SHISAL1: variants seen among roughly 807,000 people sequenced by gnomAD.
SHISAL1 encodes protein shisa-like-1.
A neutral mutation model predicts 22.6 loss-of-function variants in SHISAL1; 9 were observed. That is an observed-to-expected ratio of 0.40 (90% CI 0.24 to 0.70). SHISAL1 has a LOEUF of 0.70. Among genes scored for constraint, SHISAL1 ranks in the 30% least tolerant of loss-of-function variants. The pLI, the probability that SHISAL1 is intolerant of heterozygous loss-of-function variation, is 0.39. For synonymous variants in SHISAL1, 119 were observed against 115.4 expected (o/e 1.03, Z -0.20); for missense variants, 246 against 270.6 (o/e 0.91, Z 0.64).
At chr22:44,255,779 C>A (rs1444477726) in intron 4 of SHISAL1, among the ~76,000 whole-genome samples, 1 of 152,234 alleles carries the variant, frequency 6.6e-6, no homozygotes, top group East Asian at 1.9e-4. Context: ...CCCACCCCAT[C>A]ACCTCCCTGT....
the SHISAL1 span, among the ~76,000 whole-genome samples, chr22:44,325,862 C>G: frequency 6.6e-6 from 1 of 151,864 alleles, no homozygotes; most frequent in Non-Finnish European, 1.5e-5. Context: ...CGAAATGCCC[C>G]TCTGCCTTCT....
chr22:44,302,522 C>G (rs149639395), intron 1 of SHISAL1, among the ~76,000 whole-genome samples: 1 of 152,210 alleles, frequency 6.6e-6, no homozygotes, highest in Non-Finnish European at 1.5e-5. Flanking sequence ...TAAGGAGGGC[C>G]TCTCTGAGAA....
intron 3 of SHISAL1, among the ~76,000 whole-genome samples, chr22:44,291,981 C>T (rs9614424): frequency 0.044 from 6,706 of 152,296 alleles, 235 homozygotes; most frequent in Non-Finnish European, 0.07. Flanking sequence ...CTATGGCCCA[C>T]GTGGCTGGAA....
At chr22:44,282,382 G>T (rs2055282631) in intron 4 of SHISAL1, among the ~76,000 whole-genome samples, 1 of 152,232 alleles carries the variant, frequency 6.6e-6, no homozygotes. Context: ...TCACCTGACT[G>T]CCCTGTCCTG....
At chr22:44,302,436 C>T (rs1020704021) in intron 1 of SHISAL1, among the ~76,000 whole-genome samples, 10 of 150,912 alleles carry the variant, frequency 6.6e-5, no homozygotes, top group South Asian at 2.1e-4. Flanking sequence ...TTTAATGTTA[C>T]GAGGGAAAAT....
chr22:44,296,346 G>C (rs2055385690), intron 3 of SHISAL1, among the ~76,000 whole-genome samples: 2 of 152,182 alleles, frequency 1.3e-5, no homozygotes, highest in Non-Finnish European at 2.9e-5. Flanking sequence ...TTTTAGTAGA[G>C]ATGGGGTTTC....
chr22:44,257,907 C>T (rs777579147), intron 4 of SHISAL1, among the ~76,000 whole-genome samples: 13 of 152,202 alleles, frequency 8.5e-5, no homozygotes, highest in East Asian at 5.8e-4. Flanking sequence ...TTTGGGAGGC[C>T]GAGGTGGGCG....
chr22:44,289,684 C>A (rs1183062721), intron 3 of SHISAL1, among the ~76,000 whole-genome samples: 1 of 152,216 alleles, frequency 6.6e-6, no homozygotes, highest in African/African-American at 2.4e-5. Context: ...GACGCCCAGG[C>A]CATGGGCACT....
At chr22:44,328,386 C>T in the SHISAL1 span, among the ~76,000 whole-genome samples, 2 of 152,180 alleles carry the variant, frequency 1.3e-5, no homozygotes, top group Non-Finnish European at 2.9e-5. Context: ...AAGTGGGAAG[C>T]TGGGTTCCGA....
At chr22:44,252,691 T>G (rs1349276680) in intron 4 of SHISAL1, among the ~76,000 whole-genome samples, 1 of 147,706 alleles carries the variant, frequency 6.8e-6, no homozygotes, top group Non-Finnish European at 1.5e-5. Flanking sequence ...TTCAGCAAGG[T>G]TTCATAGAAA....
At position 44,269,840 on chromosome 22, in the gene SHISAL1, C is replaced by T. The variant is rs527612232; in HGVS notation, c.599+15588G>A. Among the ~76,000 whole-genome samples, 137 of 152,310 alleles carry T rather than the reference C, an allele frequency of 9.0e-4. 1 individual carries two copies. In the Middle Eastern group the frequency reaches 0.02, roughly 23 times the overall value. ...CTCTCCGCCTCTCCCCTGGTGCTGG[C>T]GTCCCATGGTGGTAACGATGCACCA... On this transcript the variant is annotated intron_variant, in intron 4 of 4. Transcript: ENST00000381176.
intron 4 of SHISAL1, among the ~76,000 whole-genome samples, chr22:44,279,039 G>A (rs773947963): frequency 5.3e-5 from 8 of 152,302 alleles, no homozygotes; most frequent in Admixed American, 2.0e-4. Context: ...CAACTCGTCC[G>A]AGGACACACA....
upstream of SHISAL1, among the ~76,000 whole-genome samples, chr22:44,313,600 G>A (rs2055536452): frequency 1.3e-5 from 2 of 152,224 alleles, no homozygotes; most frequent in South Asian, 4.1e-4. Context: ...AAACACATCA[G>A]TGGCTTCCAT....
In SHISAL1 at chr22:44,248,053, G is replaced by C. The variant is rs1193689065; in HGVS notation, c.*1632C>G. On this transcript the variant is annotated 3_prime_UTR_variant, in exon 5 of 5. Coordinates refer to ENST00000381176, the MANE Select transcript of SHISAL1 (RefSeq NM_001099294.2). ...TGGGCTTCAATCATCTGCTCAAGGC[G>C]GCCTTCCCAGACCACCCCAGGTCCA... 1 of 152,206 alleles carries C rather than the reference G, an allele frequency of 6.6e-6. No homozygotes were observed. The highest frequency in any genetic ancestry group is 1.5e-5 in the Non-Finnish European group (1 of 68,110). The allele number at this position is 152,206 out of a possible 1,614,324, so 9.4% of individuals were successfully genotyped here.
intron 4 of SHISAL1, among the ~76,000 whole-genome samples, chr22:44,256,207 A>G (rs1212471652): frequency 2.0e-5 from 3 of 149,224 alleles, no homozygotes; most frequent in African/African-American, 5.0e-5. Flanking sequence ...TCACACCATC[A>G]GCTCTCCTGG....
chr22:44,249,733 G>A, intron 4 of SHISAL1, 48 bp from the exon 5 acceptor site: 1 of 778,170 alleles, frequency 1.3e-6, no homozygotes, highest in Non-Finnish European at 2.4e-6. Context: ...TCTCCTCCAT[G>A]GGGACATTTC....
At chr22:44,265,258 G>A (rs1376737402) in intron 4 of SHISAL1, among the ~76,000 whole-genome samples, 1 of 152,156 alleles carries the variant, frequency 6.6e-6, no homozygotes, top group Admixed American at 6.5e-5. Flanking sequence ...GACAGGGATG[G>A]GATGTCCCTT....
At chr22:44,271,803 A>G (rs1310120136) in intron 4 of SHISAL1, among the ~76,000 whole-genome samples, 1 of 152,072 alleles carries the variant, frequency 6.6e-6, no homozygotes, top group African/African-American at 2.4e-5. Context: ...CGCTTCTTCC[A>G]TATTACTCTT....
chr22:44,269,376 C>T (rs1351991980), intron 4 of SHISAL1, among the ~76,000 whole-genome samples: 1 of 150,452 alleles, frequency 6.6e-6, no homozygotes, highest in Non-Finnish European at 1.5e-5. Context: ...CATATGCACA[C>T]ACACCATGAC....
Sources: allele counts gnomAD v4.1 joint callset (sites outside exome capture counted in the v4.1 genomes callset), GRCh38; gene constraint gnomAD v4.1.1; transcripts MANE v1.5; gene names NCBI Gene and HGNC (gene_info 2026-07-23, HGNC 2026-07-21).